Variants in SEMA3A observed in about 807,000 individuals in gnomAD.
SEMA3A encodes the protein semaphorin-3A.
A neutral mutation model predicts 97.9 loss-of-function variants in SEMA3A; 29 were observed. The observed-to-expected ratio is 0.30, with a 90% confidence interval of 0.22 to 0.40. The LOEUF (loss-of-function observed/expected upper bound fraction) is 0.40, where lower values mean the gene tolerates loss of function less well. Among genes scored for constraint, SEMA3A ranks in the 10% least tolerant of loss-of-function variants. The pLI, the probability that SEMA3A is intolerant of heterozygous loss-of-function variation, is 1.00. For missense variants in SEMA3A, 763 were observed against 951.3 expected, an observed-to-expected ratio of 0.80 and a Z score of 2.60; for synonymous variants, 321 against 323.7, an observed-to-expected ratio of 0.99 and a Z score of 0.09.
chr7:84,402,154 A>G (rs1803922141), intron 1 of SEMA3A, among the ~76,000 whole-genome samples: 1 of 152,150 alleles, frequency 6.6e-6, no homozygotes, highest in Admixed American at 6.5e-5. Flanking sequence ...TAGCAAACAA[A>G]CAAAACAAAA....
chr7:84,491,723 A>G (rs1456982772), intron 1 of SEMA3A, among the ~76,000 whole-genome samples: 1 of 152,202 alleles, frequency 6.6e-6, no homozygotes, highest in African/African-American at 2.4e-5. Context: ...AACATAGTTT[A>G]ATGGTGAATC....
At chr7:83,963,077 A>G in intron 16 of SEMA3A, 128 bp downstream of exon 16, 1 of 949,424 alleles carries the variant, frequency 1.1e-6, no homozygotes, top group Non-Finnish European at 1.6e-6. Context: ...TCAATGAATG[A>G]GCGATTGATT....
intron 1 of SEMA3A, among the ~76,000 whole-genome samples, chr7:84,182,240 T>C (rs1229572901): frequency 2.0e-5 from 3 of 152,154 alleles, no homozygotes; most frequent in Non-Finnish European, 4.4e-5. Context: ...TCATTCAGAC[T>C]CAGAGACATA....
intron 3 of SEMA3A, among the ~76,000 whole-genome samples, chr7:84,116,842 GTTT>G (rs1176493850): frequency 6.6e-6 from 1 of 152,144 alleles, no homozygotes; most frequent in Non-Finnish European, 1.5e-5. Flanking sequence ...AATTTCTGCT[GTTT>G]TGGCCACCCA....
chr7:84,463,329 A>G lies in SEMA3A; in HGVS notation c.-246+29131T>C, dbSNP rs1441217935. 1.0e-4 allele frequency among the ~76,000 whole-genome samples: 14 copies of G among 139,546 alleles called. No homozygotes were observed. The South Asian group carries it at 2.2e-3, about 22-fold the overall frequency. 91.5% of individuals were successfully genotyped at this position (139,546 alleles called of 152,430 possible). A position where few individuals can be genotyped will look rare whatever the true frequency, so the allele number is the denominator to read the frequency against. The stretch of plus-strand genomic sequence containing the variant: ...AGTGGCGCAATCTCGGCTCACTGCA[A>G]CCTCCGCCTCCCGGGTTCAGGCCAT... On this transcript the variant is annotated intron_variant, in intron 1 of 3. Coordinates refer to the SEMA3A transcript ENST00000424555.
chr7:84,422,168 G>A lies in SEMA3A; in HGVS notation c.-245-50268C>T, dbSNP rs1804614744. On this transcript the variant is annotated intron_variant, in intron 1 of 3. Transcript: ENST00000424555. ...TCCTGGGCTTTTTTTTGGTTGGTAG[G>A]CTATTAATTACTGCCTCAATTTCAG... is the stretch of plus-strand genomic sequence containing the variant. 2.0e-5 allele frequency among the ~76,000 whole-genome samples: 3 copies of A among 151,882 alleles called. No individual in the cohort carries two copies. In the South Asian group the frequency reaches 6.2e-4, roughly 32 times the overall value.
intron 1 of SEMA3A, among the ~76,000 whole-genome samples, chr7:84,432,323 T>G (rs902837466): frequency 6.6e-6 from 1 of 152,198 alleles, no homozygotes; most frequent in Non-Finnish European, 1.5e-5. Flanking sequence ...TAGTTTTTTT[T>G]CTGCTTCACT....
intron 1 of SEMA3A, among the ~76,000 whole-genome samples, chr7:84,168,772 ATACC>A (rs1382045059): frequency 4.0e-5 from 6 of 151,858 alleles, no homozygotes; most frequent in African/African-American, 1.4e-4. Context: ...ACCTCACATA[ATACC>A]TACCAGTTCA....
chr7:83,984,407 T>A (rs1033447319), intron 13 of SEMA3A, among the ~76,000 whole-genome samples: 5 of 152,122 alleles, frequency 3.3e-5, no homozygotes, highest in African/African-American at 1.2e-4. Context: ...TTTTGATATG[T>A]CTGTGTAGGA....
rs572130844 is a variant in SEMA3A, at chr7:84,141,908, C to T, written c.113-6957G>A. 1.2e-4 allele frequency among the ~76,000 whole-genome samples: 18 copies of T among 152,100 alleles called. 1 individual carries two copies. The highest frequency in any genetic ancestry group is 5.2e-4 in the Admixed American group (8 of 15,256). Reference sequence around the variant, plus strand: ...ATAGTATTCCATGATGTATATGTACCGAATCAAAGAACAAGATGCATGTAC... The same window carrying T: ...ATAGTATTCCATGATGTATATGTACTGAATCAAAGAACAAGATGCATGTAC... On this transcript the variant is annotated intron_variant, in intron 1 of 16. Coordinates refer to ENST00000265362, the MANE Select transcript of SEMA3A (RefSeq NM_006080.3).
intron 1 of SEMA3A, among the ~76,000 whole-genome samples, chr7:84,156,273 A>G (rs1018105581): frequency 3.3e-5 from 5 of 152,124 alleles, no homozygotes; most frequent in African/African-American, 1.2e-4. Context: ...GCTTATGGCT[A>G]TGACAACAAC....
At chr7:84,320,168 T>C (rs1801612045) in intron 2 of SEMA3A, among the ~76,000 whole-genome samples, 2 of 152,184 alleles carry the variant, frequency 1.3e-5, no homozygotes, top group Non-Finnish European at 2.9e-5. Flanking sequence ...CAAGATAATT[T>C]GGTAATAAAT....
intron 15 of SEMA3A, among the ~76,000 whole-genome samples, chr7:83,966,090 G>C (rs1788684463): frequency 6.6e-6 from 1 of 151,842 alleles, no homozygotes; most frequent in Admixed American, 6.6e-5. Context: ...GTAGTTCTAG[G>C]TAACTGCTCA....
chr7:84,313,419 C>G (rs1801413719), intron 2 of SEMA3A, among the ~76,000 whole-genome samples: 1 of 132,094 alleles, frequency 7.6e-6, no homozygotes, highest in South Asian at 2.4e-4. Context: ...CTATACGTGA[C>G]TCCTGATAAG....
intron 1 of SEMA3A, among the ~76,000 whole-genome samples, chr7:84,383,613 A>C (rs1256396773): frequency 1.3e-5 from 2 of 152,310 alleles, no homozygotes; most frequent in African/African-American, 4.8e-5. Flanking sequence ...TATTCAAAGG[A>C]GCTATTACTG....
chr7:84,032,098 T>C (rs568587026), intron 6 of SEMA3A, among the ~76,000 whole-genome samples: 66 of 152,312 alleles, frequency 4.3e-4, no homozygotes, highest in Middle Eastern at 3.4e-3. Context: ...GAGGTTTGTT[T>C]TGATGGCCAC....
At chr7:84,098,812 A>T (rs1794857027) in intron 4 of SEMA3A, among the ~76,000 whole-genome samples, 2 of 152,094 alleles carry the variant, frequency 1.3e-5, no homozygotes, top group Non-Finnish European at 2.9e-5. Flanking sequence ...AGGACAGATG[A>T]TATACTGGCT....
chr7:84,072,467 A>G (rs1793776027), intron 4 of SEMA3A, among the ~76,000 whole-genome samples: 2 of 152,080 alleles, frequency 1.3e-5, no homozygotes, highest in Non-Finnish European at 2.9e-5. Context: ...CAAGCGGAGG[A>G]GGAAACTGGA....
intron 10 of SEMA3A, 107 bp downstream of exon 10, chr7:84,007,246 T>G: frequency 1.1e-6 from 1 of 872,212 alleles, no homozygotes; most frequent in Non-Finnish European, 1.6e-6. Context: ...CTTGAAATCT[T>G]TTTTCTACAT....
Sources: gnomAD v4.1 joint callset for allele counts (sites outside exome capture counted in the v4.1 genomes callset) on GRCh38, gnomAD v4.1.1 for gene constraint, MANE v1.5 for transcripts, NCBI Gene and HGNC (gene_info 2026-07-23, HGNC 2026-07-21) for gene names.